Variants in LARP1 observed in about 807,000 individuals in gnomAD.
The protein encoded by LARP1 is la-related protein 1.
In LARP1, 36 loss-of-function variants were observed where a neutral mutation model predicts 122.7. The ratio of observed to expected loss-of-function variants is 0.29; its 90% confidence interval spans 0.22 to 0.39. The LOEUF (loss-of-function observed/expected upper bound fraction) is 0.39. LARP1 is among the 10% of genes least tolerant of loss of function. The pLI, the probability that LARP1 is intolerant of heterozygous loss-of-function variation, is 1.00. For synonymous variants in LARP1, 539 were observed against 528.7 expected, an observed-to-expected ratio of 1.02 and a Z score of -0.27; for missense variants, 1,040 against 1,403.6, an observed-to-expected ratio of 0.74 and a Z score of 4.14.
At chr5:154,758,581 C>T (rs1378254208) in intron 1 of LARP1, among the ~76,000 whole-genome samples, 1 of 151,942 alleles carries the variant, frequency 6.6e-6, no homozygotes, top group Non-Finnish European at 1.5e-5. Flanking sequence ...AGTGCTTTTC[C>T]AGCCCTGGTT....
intron 1 of LARP1, among the ~76,000 whole-genome samples, chr5:154,770,973 G>A (rs937479060): frequency 1.3e-5 from 2 of 152,076 alleles, no homozygotes; most frequent in Non-Finnish European, 2.9e-5. Flanking sequence ...TTAGCCAGGC[G>A]TGGCAGCAGG....
At chr5:154,693,964 C>G (rs1754353729) in intron 1 of LARP1, among the ~76,000 whole-genome samples, 1 of 152,000 alleles carries the variant, frequency 6.6e-6, no homozygotes, top group Non-Finnish European at 1.5e-5. Context: ...GAGCCTGAAT[C>G]TAATGAGGCC....
intron 1 of LARP1, among the ~76,000 whole-genome samples, chr5:154,749,469 G>A (rs1248910148): frequency 6.6e-6 from 1 of 152,160 alleles, no homozygotes. Flanking sequence ...AAAAGGATCG[G>A]CCTGGGGGTT....
chr5:154,813,459 G>T (rs78437935), intron 18 of LARP1, among the ~76,000 whole-genome samples: 1 of 152,212 alleles, frequency 6.6e-6, no homozygotes, highest in African/African-American at 2.4e-5. Flanking sequence ...GAGCTGAGAC[G>T]TCGCAGCATA....
chr5:154,788,743 T>TAAA (rs748846366), intron 1 of LARP1, among the ~76,000 whole-genome samples: 1 of 143,166 alleles, frequency 7.0e-6, no homozygotes. Flanking sequence ...ACAACTTCCT[T>TAAA]AAAAAAAAAA....
chr5:154,787,801 G>T (rs1056204195), intron 1 of LARP1, among the ~76,000 whole-genome samples: 8 of 152,174 alleles, frequency 5.3e-5, no homozygotes, highest in African/African-American at 1.9e-4. Flanking sequence ...GAATATTCAT[G>T]TGTATGCTCA....
At chr5:154,801,711 A>G (rs1359149700) in intron 10 of LARP1, among the ~76,000 whole-genome samples, 1 of 152,218 alleles carries the variant, frequency 6.6e-6, no homozygotes, top group Admixed American at 6.5e-5. Context: ...GGTGCTATGT[A>G]GGATATAAAG....
intron 1 of LARP1, among the ~76,000 whole-genome samples, chr5:154,700,170 A>G (rs1419945451): frequency 1.3e-5 from 2 of 152,222 alleles, no homozygotes; most frequent in East Asian, 3.8e-4. Flanking sequence ...TTTTAATACA[A>G]TATTTTAAAA....
At position 154,803,649 on chromosome 5, in the gene LARP1, G is replaced by A. The variant is rs763448579; in HGVS notation, c.2343G>A (p.Arg781=). Residue 781 remains arginine, a synonymous_variant, in exon 13 of 19, where the codon AGG becomes AGA. Coordinates refer to ENST00000518297, the MANE Select transcript of LARP1 (RefSeq NM_033551.3). The surrounding 1 kb of genome is among the most constrained non-coding windows in gnomAD (Gnocchi z 4.4). Reference sequence around the variant, plus strand: ...AGTCACCAAACTACCGCAACACCAGGACCCCTCGCACTCCCCGGACACCAC... The same window carrying A: ...AGTCACCAAACTACCGCAACACCAGAACCCCTCGCACTCCCCGGACACCAC... ...VPESPNYRNT[R]TPRTPRTPQL... 1.9e-5 allele frequency: 30 copies of A among 1,613,986 alleles called. No homozygotes were observed. Among genetic ancestry groups the A allele is most frequent in the Non-Finnish European group, 2.5e-5 (30 of 1,180,038 alleles).
rs886249976 is a variant in LARP1 at position 154,790,512 on chromosome 5, C to T, written c.498+126C>T. 10 of 1,272,992 alleles carry T rather than the reference C, an allele frequency of 7.9e-6. No homozygotes were observed. In the African/African-American group the frequency reaches 1.3e-4, roughly 17 times the overall value. 78.9% of individuals were successfully genotyped at this position (1,272,992 alleles called of 1,614,324 possible). ...TCTGTGAATTGCAGGGGAGCCCCTT[C>T]TAGGTATCCAGTGTGAATGGTCCTG... On this transcript the variant is annotated intron_variant, in intron 2 of 18. Transcript: ENST00000518297.
At chr5:154,725,061 A>G (rs975720653) in intron 1 of LARP1, among the ~76,000 whole-genome samples, 5 of 152,018 alleles carry the variant, frequency 3.3e-5, no homozygotes, top group Admixed American at 2.0e-4. Flanking sequence ...CCTGGGCAAT[A>G]TAGTGAGACC....
chr5:154,816,144 G>A lies in LARP1; in HGVS notation c.*2048G>A, dbSNP rs181193493. On this transcript the variant is annotated 3_prime_UTR_variant, in exon 19 of 19. Transcript: ENST00000518297. The stretch of plus-strand genomic sequence containing the variant: ...CCCATCTCAGTTCCTGTGACTTCAT[G>A]TCTCAAACCAAGGATGAGCGTCTGG... 38 of 152,698 alleles carry A rather than the reference G, an allele frequency of 2.5e-4. No homozygotes were observed. The highest frequency in any genetic ancestry group is 8.2e-4 in the African/African-American group (34 of 41,444). The allele number at this position is 152,698 out of a possible 1,614,324, so 9.5% of individuals were successfully genotyped here.
chr5:154,783,987 A>G (rs1479185162), intron 1 of LARP1, among the ~76,000 whole-genome samples: 1 of 152,220 alleles, frequency 6.6e-6, no homozygotes, highest in Admixed American at 6.5e-5. Context: ...CAGCACTGAT[A>G]TCAGGCAGTT....
chr5:154,698,483 GCTA>G (rs1561532272), intron 1 of LARP1, among the ~76,000 whole-genome samples: 2 of 152,136 alleles, frequency 1.3e-5, no homozygotes, highest in African/African-American at 4.8e-5. Context: ...TGTAATCCCA[GCTA>G]CTAGGGAGGC....
At chr5:154,757,848 T>C (rs1582306083) in intron 1 of LARP1, among the ~76,000 whole-genome samples, 1 of 38,564 alleles carries the variant, frequency 2.6e-5, no homozygotes, top group Non-Finnish European at 4.4e-5. Flanking sequence ...CTGCTCCCCT[T>C]CCCCCCTGCT....
In LARP1 at chr5:154,814,938, A is replaced by G. The variant is rs2113078224; in HGVS notation, c.*842A>G. Reference sequence around the variant, plus strand: ...AAATCAGAAAACCCCCACCTAATCCACAGAAAGTAATGTCTTTCCCCTCCC... The same window carrying G: ...AAATCAGAAAACCCCCACCTAATCCGCAGAAAGTAATGTCTTTCCCCTCCC... On this transcript the variant is annotated 3_prime_UTR_variant, in exon 19 of 19. Transcript: ENST00000518297. The G allele has an allele frequency of 6.6e-6, 1 of 151,322 alleles. No homozygotes were observed. The highest frequency in any genetic ancestry group is 1.9e-4 in the East Asian group (1 of 5,162). The allele number at this position is 151,322 out of a possible 1,614,324, so 9.4% of individuals were successfully genotyped here.
At chr5:154,771,838 C>G (rs1755455368) in intron 1 of LARP1, among the ~76,000 whole-genome samples, 1 of 152,046 alleles carries the variant, frequency 6.6e-6, no homozygotes, top group South Asian at 2.1e-4. Context: ...CACGAATGGC[C>G]TTAGGGTCAG....
chr5:154,780,316 C>G (rs1421414913), intron 1 of LARP1, among the ~76,000 whole-genome samples: 4 of 152,218 alleles, frequency 2.6e-5, no homozygotes, highest in African/African-American at 9.6e-5. Flanking sequence ...GGGCCCCTCT[C>G]AGAGCCACTT....
At chr5:154,756,302 C>T (rs1004153264) in intron 1 of LARP1, 109 bp downstream of exon 1, 6 of 949,566 alleles carry the variant, frequency 6.3e-6, no homozygotes, top group Non-Finnish European at 7.7e-6. Context: ...GTCATGGTGA[C>T]TCGGGACTTT....
Sources: gnomAD v4.1 joint callset for allele counts (sites outside exome capture counted in the v4.1 genomes callset) on GRCh38, gnomAD v4.1.1 for gene constraint, Gnocchi (gnomAD v3.1) non-coding constraint, MANE v1.5 for transcripts, NCBI Gene and HGNC (gene_info 2026-07-23, HGNC 2026-07-21) for gene names.